Variants in XPNPEP3 observed in about 807,000 individuals in gnomAD.
XPNPEP3 encodes xaa-Pro aminopeptidase 3.
Under a neutral mutation model 60.0 loss-of-function variants are expected in XPNPEP3, and 41 were observed. The observed-to-expected ratio is 0.68, with a 90% CI of 0.53 to 0.89. The LOEUF is 0.89. Ranked by LOEUF, XPNPEP3 falls within the 40% of genes least tolerant of loss-of-function variation. The pLI is 0.00. For missense variants in XPNPEP3, 598 were observed against 638.9 expected, an observed-to-expected ratio of 0.94 and a Z score of 0.69; for synonymous variants, 212 against 223.2, an observed-to-expected ratio of 0.95 and a Z score of 0.45.
rs576231691 is a variant in XPNPEP3 at position 40,896,303 on chromosome 22, A to G, written c.792+9788A>G. Among the ~76,000 whole-genome samples the G allele has an allele frequency of 4.6e-5, 7 of 152,214 alleles. No individual in the cohort carries two copies. The East Asian group carries it at 1.4e-3, about 29-fold the overall frequency. On this transcript the variant is annotated intron_variant, in intron 4 of 9. Transcript: ENST00000357137. ...CTCGGCCTCCCAAAGTGCTGGGATT[A>G]CAGGCAAGAGCCACCATGCCTGGCC...
intron 7 of XPNPEP3, chr22:40,917,871 T>TA (rs1215822949): frequency 6.6e-6 from 1 of 151,700 alleles, no homozygotes; most frequent in African/African-American, 2.4e-5. Flanking sequence ...AATAGCTGGA[T>TA]ATGGTGTCAC....
chr22:40,860,972 C>A, intron 1 of XPNPEP3: 1 of 1,221,636 alleles, frequency 8.2e-7, no homozygotes. Flanking sequence ...TGTTGAAAAG[C>A]TCTTAGTATA....
intron 2 of XPNPEP3, among the ~76,000 whole-genome samples, chr22:40,875,623 C>CTGTT (rs956114179): frequency 1.2e-4 from 18 of 151,934 alleles, no homozygotes; most frequent in South Asian, 8.3e-4. Flanking sequence ...GAGGATTTCC[C>CTGTT]TGTTTGTTTG....
At chr22:40,898,623 T>C (rs1247848594) in intron 4 of XPNPEP3, among the ~76,000 whole-genome samples, 2 of 152,174 alleles carry the variant, frequency 1.3e-5, no homozygotes, top group Non-Finnish European at 2.9e-5. Context: ...TCATGCCCCA[T>C]TTCTTTCTTG....
intron 1 of XPNPEP3, among the ~76,000 whole-genome samples, chr22:40,864,905 G>A (rs1359756380): frequency 2.0e-5 from 3 of 152,182 alleles, no homozygotes. Context: ...CCCTACTGAA[G>A]ATGGAGTTGC....
In XPNPEP3 at chr22:40,857,797, C is replaced by G. The variant is rs545667121; in HGVS notation, c.64+552C>G. Among the ~76,000 whole-genome samples, 4 of 152,318 alleles carry G rather than the reference C, an allele frequency of 2.6e-5. No homozygotes were observed. The South Asian group carries it at 8.3e-4, about 32-fold the overall frequency. ...AGCAATTAATCTGATGAACATAAAG[C>G]TTAATCAGTGAAAACTGAATCACCT... On this transcript the variant is annotated intron_variant, in intron 1 of 9. Transcript: ENST00000357137.
chr22:40,874,054 T>C (rs1028829553), intron 2 of XPNPEP3, among the ~76,000 whole-genome samples: 1 of 152,152 alleles, frequency 6.6e-6, no homozygotes, highest in South Asian at 2.1e-4. Flanking sequence ...TTTAATAATA[T>C]CTAAAAGACA....
intron 1 of XPNPEP3, chr22:40,860,802 C>A: frequency 1.6e-6 from 1 of 638,684 alleles, no homozygotes. Context: ...AGGTGCACAC[C>A]ACCACACTTG....
chr22:40,862,401 T>C, intron 1 of XPNPEP3: 4 of 990,948 alleles, frequency 4.0e-6, no homozygotes, highest in Non-Finnish European at 4.8e-6. Context: ...TCTAGATTAC[T>C]GCGCCTTAAT....
chr22:40,877,544 G>A (rs2058032197), intron 2 of XPNPEP3, among the ~76,000 whole-genome samples: 1 of 152,158 alleles, frequency 6.6e-6, no homozygotes, highest in Non-Finnish European at 1.5e-5. Context: ...GATCTTAAGT[G>A]TCCTGGAAGA....
Position 40,928,611 on chromosome 22 carries a change from G to A in XPNPEP3, c.*2176G>A, listed in dbSNP as rs547446523. 73 of 152,276 alleles carry A rather than the reference G, an allele frequency of 4.8e-4. No homozygotes were observed. Among genetic ancestry groups the A allele is most frequent in the African/African-American group, 1.7e-3 (70 of 41,548 alleles). The allele number at this position is 152,276 out of a possible 1,614,324, so 9.4% of individuals were successfully genotyped here. A position where few individuals can be genotyped will look rare whatever the true frequency, so the allele number is the denominator to read the frequency against. ...TACCACAGATAGCTTATTTAGGAGC[G>A]TCTGTGATAGAGGGAAGCTTTAAGA... On this transcript the variant is annotated 3_prime_UTR_variant, in exon 10 of 10. Coordinates refer to ENST00000357137, the MANE Select transcript of XPNPEP3 (RefSeq NM_022098.4).
At position 40,909,200 on chromosome 22, in the gene XPNPEP3, A is replaced by G. The variant is rs556533999; in HGVS notation, c.934A>G (p.Thr312Ala). 6.2e-7 allele frequency: 1 copy of G among 1,614,166 alleles called. No homozygotes were observed. Among genetic ancestry groups the G allele is most frequent in the Non-Finnish European group, 8.5e-7 (1 of 1,180,030 alleles). The stretch of plus-strand genomic sequence containing the variant: ...GGTGGCTGGTGGTAATCGGTCAAAC[A>G]CTTTGCACTATGTGAAAAATAATCA... Reference protein sequence around the residue: ...PVVAGGNRSNTLHYVKNNQLI... With the variant: ...PVVAGGNRSNALHYVKNNQLI... Residue 312 changes from threonine (T) to alanine (A), a missense_variant, in exon 6 of 10, where the codon ACT becomes GCT. By Grantham distance (58) the Thr-to-Ala change is moderately conservative. Transcript: ENST00000357137.
intron 4 of XPNPEP3, among the ~76,000 whole-genome samples, chr22:40,902,144 C>T (rs1189572614): frequency 6.8e-6 from 1 of 146,312 alleles, no homozygotes; most frequent in Non-Finnish European, 1.5e-5. Flanking sequence ...GTGATCTCGG[C>T]TCACTGCAAC....
At chr22:40,901,650 T>G (rs1191880158) in intron 4 of XPNPEP3, among the ~76,000 whole-genome samples, 1 of 152,150 alleles carries the variant, frequency 6.6e-6, no homozygotes. Context: ...AATTTTTGTA[T>G]TTTTTGTGAA....
chr22:40,903,062 A>G (rs117531558), intron 4 of XPNPEP3, among the ~76,000 whole-genome samples: 1 of 152,336 alleles, frequency 6.6e-6, no homozygotes, highest in East Asian at 1.9e-4. Context: ...GAGACCCAGT[A>G]CAAAGCATTG....
intron 1 of XPNPEP3, among the ~76,000 whole-genome samples, chr22:40,865,727 A>C (rs559369389): frequency 3.6e-4 from 54 of 150,528 alleles, no homozygotes; most frequent in Non-Finnish European, 6.3e-4. Flanking sequence ...GACAGGGTTT[A>C]GCCATGTTGG....
intron 6 of XPNPEP3, 143 bp downstream of exon 6, chr22:40,909,378 C>A: frequency 1.4e-6 from 1 of 719,576 alleles, no homozygotes; most frequent in South Asian, 1.6e-5. Flanking sequence ...AATGGTTTTA[C>A]AGACATTATC....
Position 40,886,434 on chromosome 22 carries a change from G to A in XPNPEP3, c.711G>A (p.Gln237=), listed in dbSNP as rs938325206. ...AKSKNKVRGV[Q]QLIQRLRLIK... Reference sequence around the variant, plus strand: ...GCAAGAACAAGGTTCGGGGTGTTCAGCAGCTGATACAGCGCCTCCGGCTGA... The same window carrying A: ...GCAAGAACAAGGTTCGGGGTGTTCAACAGCTGATACAGCGCCTCCGGCTGA... Residue 237 remains glutamine, a synonymous_variant, in exon 4 of 10, where the codon CAG becomes CAA. Coordinates refer to ENST00000357137, the MANE Select transcript of XPNPEP3 (RefSeq NM_022098.4). 6.2e-7 allele frequency: 1 copy of A among 1,614,146 alleles called. No individual in the cohort carries two copies. Among genetic ancestry groups the A allele is most frequent in the Admixed American group, 1.7e-5 (1 of 60,012 alleles).
intron 7 of XPNPEP3, among the ~76,000 whole-genome samples, chr22:40,919,522 G>T (rs1191804905): frequency 6.6e-6 from 1 of 152,186 alleles, no homozygotes; most frequent in Admixed American, 6.5e-5. Flanking sequence ...GTGCCACCAT[G>T]CCTGGCTAAT....
Sources: allele counts gnomAD v4.1 joint callset (sites outside exome capture counted in the v4.1 genomes callset), GRCh38; gene constraint gnomAD v4.1.1; transcripts MANE v1.5; gene names NCBI Gene and HGNC (gene_info 2026-07-23, HGNC 2026-07-21).